The following PI15 variants were observed in gnomAD, a reference collection of about 807,000 sequenced individuals.
PI15 encodes the protein 25 kDa trypsin inhibitor.
Under a neutral mutation model 31.0 loss-of-function variants are expected in PI15, and 18 were observed. The ratio of observed to expected loss-of-function variants is 0.58; its 90% CI spans 0.40 to 0.86. The LOEUF is 0.86. Ranked by LOEUF, PI15 falls within the 40% of genes least tolerant of loss-of-function variation. The pLI is 0.00. For missense variants in PI15, 282 were observed against 328.1 expected (o/e 0.86, Z 1.09); for synonymous variants, 118 against 119.1 (o/e 0.99, Z 0.06).
At chr8:74,848,302 G>A (rs1043158936) in intron 5 of PI15, among the ~76,000 whole-genome samples, 3 of 151,950 alleles carry the variant, frequency 2.0e-5, no homozygotes, top group African/African-American at 7.3e-5. Flanking sequence ...TGGTATATTG[G>A]TTTATACCAT....
At chr8:74,826,249 T>C in intron 2 of PI15, 1 of 880,108 alleles carries the variant, frequency 1.1e-6, no homozygotes, top group Non-Finnish European at 1.4e-6. Flanking sequence ...AATTTTTATT[T>C]GGTTTTGAAT....
In PI15 at chr8:74,843,966, T is replaced by A; in HGVS notation, c.274-15T>A. ...CAGCAAATTCCGTAACGCTGAAGAT[T>A]TTTTTCCCCTACAGGTTTGGGATGA... is the stretch of plus-strand genomic sequence containing the variant. On this transcript the variant is annotated splice_polypyrimidine_tract_variant and intron_variant, in intron 2 of 5. Transcript: ENST00000260113. 7.7e-7 allele frequency: 1 copy of A among 1,293,086 alleles called. No individual in the cohort carries two copies. Among genetic ancestry groups the A allele is most frequent in the South Asian group, 1.2e-5 (1 of 84,702 alleles). 80.1% of individuals were successfully genotyped at this position (1,293,086 alleles called of 1,614,324 possible). A position where few individuals can be genotyped will look rare whatever the true frequency, so the allele number is the denominator to read the frequency against.
At chr8:74,838,449 A>T (rs1810900394) in intron 2 of PI15, among the ~76,000 whole-genome samples, 1 of 152,048 alleles carries the variant, frequency 6.6e-6, no homozygotes, top group African/African-American at 2.4e-5. Context: ...TAGGGAGTAT[A>T]TGTGCAGGTT....
At chr8:74,848,869 G>A (rs573825519) in intron 5 of PI15, among the ~76,000 whole-genome samples, 1 of 150,156 alleles carries the variant, frequency 6.7e-6, no homozygotes, top group Admixed American at 6.6e-5. Flanking sequence ...CAGCAGCTGG[G>A]ACTAGAGGCA....
rs76430539 is a variant in PI15, at chr8:74,843,350, C to T, written c.274-631C>T. On this transcript the variant is annotated intron_variant, in intron 2 of 5. Coordinates refer to ENST00000260113, the MANE Select transcript of PI15 (RefSeq NM_015886.5). The stretch of plus-strand genomic sequence containing the variant: ...AAGGCAGTAATTTTTTGTAGTATAA[C>T]CATATTGCATTACAGAACTTTGAAT... Among the ~76,000 whole-genome samples the T allele has an allele frequency of 7.4e-4, 113 of 152,242 alleles. 1 individual carries two copies. The highest frequency in any genetic ancestry group is 2.6e-3 in the African/African-American group (109 of 41,528).
At chr8:74,836,084 TAG>T (rs1276913746) in intron 2 of PI15, among the ~76,000 whole-genome samples, 1 of 152,144 alleles carries the variant, frequency 6.6e-6, no homozygotes, top group African/African-American at 2.4e-5. Flanking sequence ...CTATAAAAAA[TAG>T]AGTAGATGAC....
rs189368559 is a variant in PI15, at chr8:74,827,804, T to C, written c.273+2282T>C. Among the ~76,000 whole-genome samples, 149 of 152,296 alleles carry C rather than the reference T, an allele frequency of 9.8e-4. No homozygotes were observed. In the Middle Eastern group the frequency reaches 0.024, roughly 24 times the overall value. On this transcript the variant is annotated intron_variant, in intron 2 of 5. Transcript: ENST00000260113. ...TATTTATTATTCCATTCTTATTATT[T>C]TTTTGAATATCAGAACCACTATATA...
At position 74,825,297 on chromosome 8, in the gene PI15, C is replaced by G. The variant is rs1319646580; in HGVS notation, c.48C>G (p.Leu16=). Residue 16 remains leucine, a synonymous_variant, in exon 2 of 6, where the codon CTC becomes CTG. Transcript: ENST00000260113. ...GCAGTGCACTCCTGTTCTCCCTTCT[C>G]TGTGAAGCAAGTACCGTCGTCCTAC... ...AVSSALLFSL[L]CEASTVVLLN... is the part of the protein sequence containing the mutation. 6.2e-7 allele frequency: 1 copy of G among 1,613,450 alleles called. No homozygotes were observed. The highest frequency in any genetic ancestry group is 1.3e-5 in the African/African-American group (1 of 74,978).
At position 74,825,397 on chromosome 8, in the gene PI15, T is replaced by A. The variant is rs746085279; in HGVS notation, c.148T>A (p.Ser50Thr). The A allele has an allele frequency of 6.2e-7, 1 of 1,613,524 alleles. No homozygotes were observed. Among genetic ancestry groups the A allele is most frequent in the Non-Finnish European group, 8.5e-7 (1 of 1,179,616 alleles). ...IEAALKAQLD[S>T]ADIPKARRKR... ...AGCAGCTCTGAAAGCACAATTAGATTCAGCGGATATCCCCAAAGCCAGGCG... is the reference window on the plus strand; with the variant it reads ...AGCAGCTCTGAAAGCACAATTAGATACAGCGGATATCCCCAAAGCCAGGCG... The change falls in exon 2 of 6, where the codon TCA (serine) becomes ACA (threonine). Residue 50 changes from serine (S) to threonine (T), a missense_variant. Transcript: ENST00000260113.
rs2128766662 is a variant in PI15, at chr8:74,849,373, A to G, written c.*120A>G. ...TTTGTGCTAATCTTGTTTTCCTCTT[A>G]GTATTCCTTTGTATAAATTAGTGTT... On this transcript the variant is annotated 3_prime_UTR_variant, in exon 6 of 6. Coordinates refer to ENST00000260113, the MANE Select transcript of PI15 (RefSeq NM_015886.5). 4.3e-6 allele frequency: 3 copies of G among 691,376 alleles called. No homozygotes were observed. Among genetic ancestry groups the G allele is most frequent in the South Asian group, 2.3e-5 (1 of 42,612 alleles). 42.8% of individuals were successfully genotyped at this position (691,376 alleles called of 1,614,324 possible). A position where few individuals can be genotyped will look rare whatever the true frequency, so the allele number is the denominator to read the frequency against.
At chr8:74,847,486 A>C (rs996023065) in intron 5 of PI15, among the ~76,000 whole-genome samples, 12 of 151,990 alleles carry the variant, frequency 7.9e-5, no homozygotes, top group Non-Finnish European at 1.6e-4. Flanking sequence ...AAGATTATGA[A>C]TGGTACAGGA....
In PI15 at chr8:74,825,453, C is replaced by T. The variant is rs751087559; in HGVS notation, c.204C>T (p.Ile68=). 8.7e-6 allele frequency: 14 copies of T among 1,612,258 alleles called. No homozygotes were observed. The highest frequency in any genetic ancestry group is 1.2e-5 in the Non-Finnish European group (14 of 1,178,718). ...GCTACATTTCGCAGAATGACATGAT[C>T]GCCATTCTTGATTATCATAATCAAG... The part of the protein sequence containing the change: ...RKRYISQNDM[I]AILDYHNQVR... Residue 68 remains isoleucine, a synonymous_variant, in exon 2 of 6, where the codon ATC becomes ATT. Coordinates refer to ENST00000260113, the MANE Select transcript of PI15 (RefSeq NM_015886.5).
At position 74,845,270 on chromosome 8, in the gene PI15, A is replaced by T; in HGVS notation, c.525+10A>T. ...CACACATTATACGCAGGTTATTTCA[A>T]TTACCTTGTTAATTTTTGATTCATA... On this transcript the variant is annotated intron_variant, in intron 4 of 5. Transcript: ENST00000260113. 6.2e-7 allele frequency: 1 copy of T among 1,612,636 alleles called. No individual in the cohort carries two copies. Among genetic ancestry groups the T allele is most frequent in the Non-Finnish European group, 8.5e-7 (1 of 1,178,634 alleles).
Position 74,844,089 on chromosome 8 carries a change from C to T in PI15, c.382C>T (p.Arg128Cys), listed in dbSNP as rs200651515. 20 of 1,434,324 alleles carry T rather than the reference C, an allele frequency of 1.4e-5. No individual in the cohort carries two copies. In the East Asian group the frequency reaches 3.0e-4, roughly 21 times the overall value. The allele number at this position is 1,434,324 out of a possible 1,614,324, so 88.8% of individuals were successfully genotyped here. The part of the protein sequence containing the change: ...LRFLGQNLSV[R>C]TGRYRSILQL... ...ATTTTTGGGCCAAAATCTATCTGTA[C>T]GCACTGGAAGGTAGGAAGTAATTTC... Residue 128 changes from arginine to cysteine, a missense_variant, in exon 3 of 6, where the codon CGC becomes TGC. By Grantham distance (180) the Arg-to-Cys change is radical (BLOSUM62 -3). Transcript: ENST00000260113.
rs1315733829 is a variant in PI15, at chr8:74,853,179, A to G, written c.*3926A>G. 2 of 152,596 alleles carry G rather than the reference A, an allele frequency of 1.3e-5. No homozygotes were observed. The highest frequency in any genetic ancestry group is 4.8e-5 in the African/African-American group (2 of 41,466). The allele number at this position is 152,596 out of a possible 1,614,324, so 9.5% of individuals were successfully genotyped here. A position where few individuals can be genotyped will look rare whatever the true frequency, so the allele number is the denominator to read the frequency against. On this transcript the variant is annotated 3_prime_UTR_variant, in exon 6 of 6. Coordinates refer to ENST00000260113, the MANE Select transcript of PI15 (RefSeq NM_015886.5). ...TGAAAACACGTTACAATTACCACAT[A>G]TCCTTGCTATAAGTTTTGAAGTTTC...
chr8:74,831,032 C>T (rs1001170304), intron 2 of PI15, among the ~76,000 whole-genome samples: 5 of 152,162 alleles, frequency 3.3e-5, no homozygotes, highest in Admixed American at 2.0e-4. Flanking sequence ...CCACGGTGCA[C>T]GTTGCTTATT....
At chr8:74,833,470 T>C (rs1225858020) in intron 2 of PI15, among the ~76,000 whole-genome samples, 1 of 152,058 alleles carries the variant, frequency 6.6e-6, no homozygotes, top group African/African-American at 2.4e-5. Flanking sequence ...ATTTTCACTT[T>C]ACCTGATTGC....
At chr8:74,834,368 C>T (rs1810831704) in intron 2 of PI15, among the ~76,000 whole-genome samples, 1 of 152,142 alleles carries the variant, frequency 6.6e-6, no homozygotes, top group African/African-American at 2.4e-5. Flanking sequence ...CAGAAAAACT[C>T]ACAGGCTAGA....
intron 2 of PI15, among the ~76,000 whole-genome samples, chr8:74,843,544 T>C (rs538796152): frequency 6.6e-6 from 1 of 152,106 alleles, no homozygotes; most frequent in Admixed American, 6.5e-5. Context: ...CCTGACCAAT[T>C]TGGTGAAACT....
Sources: allele counts gnomAD v4.1 joint callset (sites outside exome capture counted in the v4.1 genomes callset), GRCh38; gene constraint gnomAD v4.1.1; transcripts MANE v1.5; gene names NCBI Gene and HGNC (gene_info 2026-07-23, HGNC 2026-07-21).